ADAMTS2: variants seen among roughly 807,000 people sequenced by gnomAD.
The protein encoded by ADAMTS2 is ADAM metallopeptidase with thrombospondin type 1 motif 2, also known as A disintegrin and metalloproteinase with thrombospondin motifs 2.
ADAMTS2 carries 50 observed loss-of-function variants against 123.0 expected under a neutral mutation model. That is an observed-to-expected ratio of 0.41 (90% CI 0.32 to 0.51). The LOEUF is 0.51. Ranked by LOEUF, ADAMTS2 falls within the 20% of genes least tolerant of loss-of-function variation. The pLI is 0.35. For synonymous variants in ADAMTS2, 678 were observed against 695.4 expected (o/e 0.98, Z 0.39); for missense variants, 1,494 against 1,705.2 (o/e 0.88, Z 2.18).
Position 179,207,987 on chromosome 5 carries a change from C to T in ADAMTS2, c.689-272G>A, listed in dbSNP as rs542716860. On this transcript the variant is annotated intron_variant, in intron 3 of 21. Transcript: ENST00000251582. Reference sequence around the variant, plus strand: ...GTGGCAACCCCAGCCACAGCAGGGGCCACAGTGGCCTCCACACGATGGATC... The same window carrying T: ...GTGGCAACCCCAGCCACAGCAGGGGTCACAGTGGCCTCCACACGATGGATC... 1.2e-3 allele frequency among the ~76,000 whole-genome samples: 187 copies of T among 152,280 alleles called. 7 individuals carry two copies. In the South Asian group the frequency reaches 0.038, roughly 31 times the overall value.
rs368221089 is a variant in ADAMTS2 at position 179,344,140 on chromosome 5, G to A, written c.161C>T (p.Ala54Val). 3.1e-5 allele frequency: 50 copies of A among 1,601,362 alleles called. No homozygotes were observed. In the East Asian group the frequency reaches 5.6e-4, roughly 18 times the overall value. Residue 54 changes from alanine to valine, a missense_variant, in exon 2 of 22, where the codon GCG becomes GTG. Transcript: ENST00000251582. ...CACGGGCACCGCCAGGATGCGCTCC[G>A]CTCCGTGCCCCAGGGGCCCGCCTGC... ...DPPGGPLGHG[A>V]ERILAVPVRT...
Position 179,245,784 on chromosome 5 carries a change from A to AC in ADAMTS2, c.688+27126_688+27127insG, listed in dbSNP as rs1163004415. Among the ~76,000 whole-genome samples the AC allele has an allele frequency of 1.2e-3, 169 of 139,274 alleles. 2 individuals carry two copies. Among genetic ancestry groups the AC allele is most frequent in the Middle Eastern group, 7.0e-3 (2 of 286 alleles). The allele number at this position is 139,274 out of a possible 152,430, so 91.4% of individuals were successfully genotyped here. ...CCGTCTCAAAAAAAAAAAAAAAAAAAAAAAAAAAAAACAAAAAAAACAAAG... is the reference window on the plus strand; with the variant it reads ...CCGTCTCAAAAAAAAAAAAAAAAAAACAAAAAAAAAAACAAAAAAAACAAAG... On this transcript the variant is annotated intron_variant, in intron 3 of 21. Coordinates refer to ENST00000251582, the MANE Select transcript of ADAMTS2 (RefSeq NM_014244.5).
rs746212286 is a variant in ADAMTS2 at position 179,196,745 on chromosome 5, C to A, written c.891+10768G>T. ...ACTAAGCAAGTACATTTCTGCACAGCCTGGTAGCAAAAATTCCTTTAGCAC... is the reference window on the plus strand; with the variant it reads ...ACTAAGCAAGTACATTTCTGCACAGACTGGTAGCAAAAATTCCTTTAGCAC... On this transcript the variant is annotated intron_variant, in intron 4 of 21. Coordinates refer to ENST00000251582, the MANE Select transcript of ADAMTS2 (RefSeq NM_014244.5). Among the ~76,000 whole-genome samples, 6 of 152,206 alleles carry A rather than the reference C, an allele frequency of 3.9e-5. 1 individual carries two copies. Among genetic ancestry groups the A allele is most frequent in the Non-Finnish European group, 8.8e-5 (6 of 68,034 alleles).
chr5:179,136,795 C>G (rs1229900371), intron 12 of ADAMTS2, among the ~76,000 whole-genome samples: 1 of 151,636 alleles, frequency 6.6e-6, no homozygotes, highest in Non-Finnish European at 1.5e-5. Context: ...ATGGTGAAAC[C>G]CTGTCTCTAC....
chr5:179,174,646 T>C (rs1407491884), intron 5 of ADAMTS2, among the ~76,000 whole-genome samples: 1 of 152,268 alleles, frequency 6.6e-6, no homozygotes, highest in Non-Finnish European at 1.5e-5. Flanking sequence ...TATTTTCAAC[T>C]ATTTTATTCA....
chr5:179,139,590 G>A (rs757144592), intron 11 of ADAMTS2, among the ~76,000 whole-genome samples: 27 of 152,098 alleles, frequency 1.8e-4, no homozygotes, highest in Admixed American at 6.5e-5. Flanking sequence ...TCCCCAGCTC[G>A]GTCCTCCCTC....
At chr5:179,122,540 G>T in intron 20 of ADAMTS2, 104 bp downstream of exon 20, 1 of 1,468,580 alleles carries the variant, frequency 6.8e-7, no homozygotes, top group African/African-American at 1.4e-5. Flanking sequence ...GTTGAGTCCA[G>T]CTACTCTCCG....
chr5:179,198,121 G>A (rs1764471228), intron 4 of ADAMTS2, among the ~76,000 whole-genome samples: 1 of 152,198 alleles, frequency 6.6e-6, no homozygotes, highest in South Asian at 2.1e-4. Context: ...AAACATGACA[G>A]TGGTCTCCCA....
At chr5:179,136,091 C>T in intron 12 of ADAMTS2, 49 bp from the exon 13 acceptor site, 1 of 1,612,684 alleles carries the variant, frequency 6.2e-7, no homozygotes, top group Non-Finnish European at 8.5e-7. Context: ...ATGGCTTCCC[C>T]ATGTGTGTGC....
rs1289646152 is a variant in ADAMTS2 at position 179,225,952 on chromosome 5, C to G, written c.689-18237G>C. ...TACAGACAGCTAAAGTAAAAGAGCA[C>G]ATGCAGCACACGCCCACTGGGGCTT... On this transcript the variant is annotated intron_variant, in intron 3 of 21. Transcript: ENST00000251582. The surrounding 1 kb of genome is among the most constrained non-coding windows in gnomAD (Gnocchi z 4.5). 6.6e-6 allele frequency among the ~76,000 whole-genome samples: 1 copy of G among 152,178 alleles called. No individual in the cohort carries two copies. The highest frequency in any genetic ancestry group is 1.5e-5 in the Non-Finnish European group (1 of 68,042).
chr5:179,182,005 C>A (rs1042511855), intron 4 of ADAMTS2, among the ~76,000 whole-genome samples: 1 of 152,164 alleles, frequency 6.6e-6, no homozygotes, highest in African/African-American at 2.4e-5. Context: ...ACACCCAGGG[C>A]CCTCCCTAGC....
At position 179,303,634 on chromosome 5, in the gene ADAMTS2, T is replaced by C. The variant is rs1180894812; in HGVS notation, c.535-30570A>G. 6.6e-6 allele frequency among the ~76,000 whole-genome samples: 1 copy of C among 152,176 alleles called. No homozygotes were observed. The highest frequency in any genetic ancestry group is 1.5e-5 in the Non-Finnish European group (1 of 68,030). ...GCTCAGAGCCAAGCCAACACCTCAT[T>C]TTTCTTTCCTATTTCCTTTTTCTTT... On this transcript the variant is annotated intron_variant, in intron 2 of 21. Transcript: ENST00000251582. This position sits in a 1 kb window ranked among gnomAD's most constrained non-coding sequence, Gnocchi z 4.7.
rs747238964 is a variant in ADAMTS2 at position 179,140,012 on chromosome 5, G to A, written c.1653C>T (p.Ile551=). ...GTTTGAGGATGTCAGGTGTCAGCCA[G>A]ATGCAGTGTCCTTTAAAACAATGCT... ...PGKHCFKGHC[I]WLTPDILKRD... is the part of the protein sequence containing the mutation. The change falls in exon 11 of 22, where the codon ATC becomes ATT. Residue 551 remains isoleucine (I), a synonymous_variant. Transcript: ENST00000251582. The A allele has an allele frequency of 1.2e-6, 2 of 1,614,178 alleles. No individual in the cohort carries two copies. Among genetic ancestry groups the A allele is most frequent in the Admixed American group, 3.3e-5 (2 of 60,028 alleles).
rs1314510398 is a variant in ADAMTS2 at position 179,329,044 on chromosome 5, A to G, written c.534+14723T>C. Among the ~76,000 whole-genome samples the G allele has an allele frequency of 2.0e-5, 3 of 151,990 alleles. No homozygotes were observed. In the South Asian group the frequency reaches 6.2e-4, roughly 32 times the overall value. On this transcript the variant is annotated intron_variant, in intron 2 of 21. Coordinates refer to ENST00000251582, the MANE Select transcript of ADAMTS2 (RefSeq NM_014244.5). Reference sequence around the variant, plus strand: ...GGACTGGTGCAAAAGAAAAACAGAAAAGGCCAGGCACAGTGGCTCATGCCT... The same window carrying G: ...GGACTGGTGCAAAAGAAAAACAGAAGAGGCCAGGCACAGTGGCTCATGCCT...
At chr5:179,127,663 G>A (rs1278830679) in intron 17 of ADAMTS2, among the ~76,000 whole-genome samples, 1 of 152,052 alleles carries the variant, frequency 6.6e-6, no homozygotes, top group Non-Finnish European at 1.5e-5. Flanking sequence ...CTTCTGAGGT[G>A]TCCACACATC....
At position 179,239,452 on chromosome 5, in the gene ADAMTS2, G is replaced by T. The variant is rs1303487501; in HGVS notation, c.689-31737C>A. Among the ~76,000 whole-genome samples, 3 of 152,166 alleles carry T rather than the reference G, an allele frequency of 2.0e-5. No individual in the cohort carries two copies. In the East Asian group the frequency reaches 5.8e-4, roughly 29 times the overall value. The stretch of plus-strand genomic sequence containing the variant: ...AGGGTGAGCGCGAGTTCAGTGAGGG[G>T]CGTGCTGAGGTGGTACTTCCAAATT... On this transcript the variant is annotated intron_variant, in intron 3 of 21. Coordinates refer to ENST00000251582, the MANE Select transcript of ADAMTS2 (RefSeq NM_014244.5).
intron 2 of ADAMTS2, among the ~76,000 whole-genome samples, chr5:179,339,422 T>C (rs1423200316): frequency 2.0e-5 from 3 of 152,214 alleles, no homozygotes; most frequent in African/African-American, 4.8e-5. Context: ...TCTGAGCCCC[T>C]GGATTCAGCC....
At chr5:179,301,872 C>T (rs536223694) in intron 2 of ADAMTS2, among the ~76,000 whole-genome samples, 6 of 152,226 alleles carry the variant, frequency 3.9e-5, no homozygotes, top group Non-Finnish European at 7.3e-5. Flanking sequence ...GGCAGCAGGG[C>T]GTGCGGGATG....
intron 10 of ADAMTS2, among the ~76,000 whole-genome samples, chr5:179,147,241 A>C (rs1166701742): frequency 1.3e-5 from 2 of 152,146 alleles, no homozygotes; most frequent in African/African-American, 4.8e-5. Flanking sequence ...GGCATGCGCC[A>C]CCATGCCTGG....
Sources: gnomAD v4.1 joint callset for allele counts (sites outside exome capture counted in the v4.1 genomes callset) on GRCh38, gnomAD v4.1.1 for gene constraint, Gnocchi (gnomAD v3.1) non-coding constraint, MANE v1.5 for transcripts, NCBI Gene and HGNC (gene_info 2026-07-23, HGNC 2026-07-21) for gene names.